The following TMEM144 variants were observed in gnomAD, a reference collection of about 807,000 sequenced individuals.
TMEM144 encodes transmembrane protein 144.
Under a neutral mutation model 43.6 loss-of-function variants are expected in TMEM144, and 39 were observed. That is an observed-to-expected ratio of 0.90 (90% CI 0.69 to 1.17). TMEM144 has a LOEUF of 1.17. TMEM144 is among the 50% of genes most tolerant of loss of function. TMEM144 has a pLI of 0.00. For missense variants in TMEM144, 417 were observed against 411.9 expected, an observed-to-expected ratio of 1.01 and a Z score of -0.11; for synonymous variants, 154 against 133.6, an observed-to-expected ratio of 1.15 and a Z score of -1.06.
At chr4:158,224,466 G>A (rs1370480248) in intron 6 of TMEM144, among the ~76,000 whole-genome samples, 1 of 152,138 alleles carries the variant, frequency 6.6e-6, no homozygotes, top group Non-Finnish European at 1.5e-5. Flanking sequence ...GTGGTCATGG[G>A]AGGCTCAGAT....
At chr4:158,245,590 C>T (rs529669120) in intron 12 of TMEM144, among the ~76,000 whole-genome samples, 2 of 152,164 alleles carry the variant, frequency 1.3e-5, no homozygotes, top group East Asian at 3.9e-4. Flanking sequence ...ACAATAAATG[C>T]TCAGTTAATT....
At chr4:158,253,320 G>T in intron 12 of TMEM144, 124 bp from the exon 13 acceptor site, 1 of 706,086 alleles carries the variant, frequency 1.4e-6, no homozygotes, top group East Asian at 2.6e-5. Flanking sequence ...CTTGGAAGGG[G>T]TAGCAAAAAA....
intron 10 of TMEM144, 145 bp from the exon 11 acceptor site, chr4:158,241,360 CAATA>C: frequency 1.5e-6 from 1 of 645,556 alleles, no homozygotes; most frequent in Non-Finnish European, 2.7e-6. Flanking sequence ...TCTAAAATAA[CAATA>C]AAACACAGCT....
chr4:158,218,947 T>C (rs934368100), intron 5 of TMEM144, among the ~76,000 whole-genome samples: 3 of 152,056 alleles, frequency 2.0e-5, no homozygotes, highest in African/African-American at 7.2e-5. Context: ...ACCCTGTCTC[T>C]ACTAAAAATA....
At chr4:158,212,204 G>A (rs1210040204) in intron 2 of TMEM144, 1 of 152,286 alleles carries the variant, frequency 6.6e-6, no homozygotes, top group Non-Finnish European at 1.5e-5. Flanking sequence ...ATTGTATTCA[G>A]TGGCCTTTTC....
At chr4:158,240,957 C>T (rs144273144) in intron 10 of TMEM144, among the ~76,000 whole-genome samples, 1 of 152,268 alleles carries the variant, frequency 6.6e-6, no homozygotes, top group East Asian at 1.9e-4. Flanking sequence ...TGTAGGTCCA[C>T]AAGTAAAATT....
intron 7 of TMEM144, 58 bp from the exon 8 acceptor site, chr4:158,235,380 C>A: frequency 6.4e-7 from 1 of 1,552,160 alleles, no homozygotes; most frequent in Non-Finnish European, 8.9e-7. Flanking sequence ...ATATTGTCAC[C>A]AGTGTGATTA....
At chr4:158,245,751 C>T (rs113661314) in intron 12 of TMEM144, among the ~76,000 whole-genome samples, 5 of 152,100 alleles carry the variant, frequency 3.3e-5, no homozygotes, top group Middle Eastern at 3.4e-3. Context: ...ATAGCAAAAC[C>T]GCTATCTCTA....
chr4:158,237,714 G>C lies in TMEM144; in HGVS notation c.682+71G>C, dbSNP rs923719558. 1.8e-5 allele frequency: 20 copies of C among 1,083,972 alleles called. No individual in the cohort carries two copies. The African/African-American group carries it at 3.2e-4, about 17-fold the overall frequency. The allele number at this position is 1,083,972 out of a possible 1,614,324, so 67.1% of individuals were successfully genotyped here. A position where few individuals can be genotyped will look rare whatever the true frequency, so the allele number is the denominator to read the frequency against. On this transcript the variant is annotated intron_variant, in intron 9 of 12. Transcript: ENST00000296529. ...GAATATAAAAAGAATTGTGATAATAGTAAATATTGATGGGTCGATTCGATC... is the reference window on the plus strand; with the variant it reads ...GAATATAAAAAGAATTGTGATAATACTAAATATTGATGGGTCGATTCGATC...
chr4:158,222,777 GCA>G, intron 6 of TMEM144, among the ~76,000 whole-genome samples: 1 of 152,286 alleles, frequency 6.6e-6, no homozygotes. Context: ...AACTGCACGT[GCA>G]CACACACAAT....
In TMEM144 at chr4:158,229,102, G is replaced by A. The variant is rs1005537092; in HGVS notation, c.414-3799G>A. On this transcript the variant is annotated intron_variant, in intron 6 of 12. Coordinates refer to ENST00000296529, the MANE Select transcript of TMEM144 (RefSeq NM_018342.5). ...TCTTTAACTACCAGGCTTAGGTCAG[G>A]CAAGCCCAGGCCTGGTTTCAGGTCT... is the stretch of plus-strand genomic sequence containing the variant. 3.3e-5 allele frequency among the ~76,000 whole-genome samples: 5 copies of A among 152,260 alleles called. No individual in the cohort carries two copies. In the East Asian group the frequency reaches 9.7e-4, roughly 30 times the overall value.
rs1166067640 is a variant in TMEM144 at position 158,210,525 on chromosome 4, G to C, written c.-244G>C. ...TCAGGCTCCGGCTCCACACTGGCACGTAGTGGGCGGATCGCGCCGGCGCTG... is the reference window on the plus strand; with the variant it reads ...TCAGGCTCCGGCTCCACACTGGCACCTAGTGGGCGGATCGCGCCGGCGCTG... On this transcript the variant is annotated 5_prime_UTR_variant, in exon 1 of 13. Coordinates refer to ENST00000296529, the MANE Select transcript of TMEM144 (RefSeq NM_018342.5). The C allele has an allele frequency of 6.6e-6, 1 of 152,342 alleles. No individual in the cohort carries two copies. Among genetic ancestry groups the C allele is most frequent in the South Asian group, 2.1e-4 (1 of 4,836 alleles). 9.4% of individuals were successfully genotyped at this position (152,342 alleles called of 1,614,324 possible).
intron 3 of TMEM144, among the ~76,000 whole-genome samples, chr4:158,214,201 T>G (rs1734105635): frequency 6.6e-6 from 1 of 152,074 alleles, no homozygotes; most frequent in Non-Finnish European, 1.5e-5. Context: ...CACACCCGGC[T>G]AATTTCTTAT....
intron 12 of TMEM144, among the ~76,000 whole-genome samples, chr4:158,252,111 G>A (rs1001476033): frequency 6.6e-6 from 1 of 152,146 alleles, no homozygotes; most frequent in Non-Finnish European, 1.5e-5. Context: ...TATCTTGTGG[G>A]AGAGATATTA....
chr4:158,243,538 C>T (rs542393528), intron 11 of TMEM144, among the ~76,000 whole-genome samples: 2 of 152,304 alleles, frequency 1.3e-5, no homozygotes, highest in South Asian at 4.1e-4. Context: ...AAAGACCACA[C>T]CTAGCCCGCA....
chr4:158,246,305 G>A (rs1455360312), intron 12 of TMEM144, among the ~76,000 whole-genome samples: 2 of 152,138 alleles, frequency 1.3e-5, no homozygotes, highest in Non-Finnish European at 2.9e-5. Context: ...ATATGCAGTT[G>A]TAGTAGCAAA....
intron 7 of TMEM144, 119 bp from the exon 8 acceptor site, chr4:158,235,319 T>C (rs1735284815): frequency 1.0e-6 from 1 of 994,802 alleles, no homozygotes; most frequent in Non-Finnish European, 1.5e-6. Flanking sequence ...ATAGGTGACA[T>C]GTTTATTATA....
At chr4:158,230,590 T>C (rs1220263135) in intron 6 of TMEM144, among the ~76,000 whole-genome samples, 2 of 151,866 alleles carry the variant, frequency 1.3e-5, no homozygotes, top group Non-Finnish European at 2.9e-5. Context: ...TACAAATATA[T>C]ATATATATAT....
At chr4:158,227,081 T>G (rs971810849) in intron 6 of TMEM144, among the ~76,000 whole-genome samples, 3 of 151,840 alleles carry the variant, frequency 2.0e-5, no homozygotes, top group Admixed American at 1.3e-4. Context: ...TTGCTATTAA[T>G]AAGACCTTGT....
Sources: gnomAD v4.1 joint callset for allele counts (sites outside exome capture counted in the v4.1 genomes callset) on GRCh38, gnomAD v4.1.1 for gene constraint, MANE v1.5 for transcripts, NCBI Gene and HGNC (gene_info 2026-07-23, HGNC 2026-07-21) for gene names.